ASTN1: variants seen among roughly 807,000 people sequenced by gnomAD.
The protein encoded by ASTN1 is astrotactin-1.
A neutral mutation model predicts 140.7 loss-of-function variants in ASTN1; 41 were observed. The ratio of observed to expected loss-of-function variants is 0.29; its 90% CI spans 0.23 to 0.38. ASTN1 has a LOEUF of 0.38. Ranked by LOEUF, ASTN1 falls within the 10% of genes least tolerant of loss-of-function variation. The pLI, the probability that ASTN1 is intolerant of heterozygous loss-of-function variation, is 1.00. For synonymous variants in ASTN1, 640 were observed against 652.2 expected (o/e 0.98, Z 0.29); for missense variants, 1,479 against 1,678.8 (o/e 0.88, Z 2.08).
intron 1 of ASTN1, among the ~76,000 whole-genome samples, chr1:177,158,140 A>G (rs988912690): frequency 6.6e-6 from 1 of 152,240 alleles, no homozygotes; most frequent in Non-Finnish European, 1.5e-5. Context: ...TGTACTATAT[A>G]ATACCAAATC....
intron 1 of ASTN1, among the ~76,000 whole-genome samples, chr1:177,108,347 C>CAAAAAAAAA (rs71129596): frequency 1.0e-5 from 1 of 98,596 alleles, no homozygotes; most frequent in Admixed American, 1.1e-4. Context: ...GACTCCGTCT[C>CAAAAAAAAA]AAAAAAAAAA....
intron 16 of ASTN1, among the ~76,000 whole-genome samples, chr1:176,931,194 C>T (rs567905554): frequency 7.9e-5 from 12 of 152,280 alleles, no homozygotes; most frequent in South Asian, 2.1e-4. Flanking sequence ...AAGCTGGGCA[C>T]GGTGGCTCAC....
rs184809231 is a variant in ASTN1 at position 176,876,003 on chromosome 1, C to T, written c.3463+534G>A. ...TCTTAATTAACAGGGACTGATCCTG[C>T]AGGGGAGTTTGTACTAAAGACAGCC... On this transcript the variant is annotated intron_variant, in intron 21 of 22. Coordinates refer to ENST00000361833, the MANE Select transcript of ASTN1 (RefSeq NM_004319.3). Among the ~76,000 whole-genome samples the T allele has an allele frequency of 3.3e-5, 5 of 152,260 alleles. No homozygotes were observed. The East Asian group carries it at 9.6e-4, about 29-fold the overall frequency.
intron 8 of ASTN1, among the ~76,000 whole-genome samples, chr1:176,991,436 C>CAAAAAAAAAAAAAAAAAAAAAAAAAA (rs1173420812): frequency 1.7e-3 from 23 of 13,810 alleles, no homozygotes; most frequent in Non-Finnish European, 2.3e-3. Flanking sequence ...AAAAAAAAAC[C>CAAAAAAAAAAAAAAAAAAAAAAAAAA]AAAAAAAAAA....
intron 1 of ASTN1, among the ~76,000 whole-genome samples, chr1:177,137,921 G>T (rs1363302691): frequency 6.6e-6 from 1 of 152,308 alleles, no homozygotes; most frequent in East Asian, 1.9e-4. Context: ...AAAATGATGA[G>T]AATAGGGTTC....
intron 8 of ASTN1, among the ~76,000 whole-genome samples, chr1:177,003,931 T>C (rs1019087226): frequency 6.6e-6 from 1 of 152,120 alleles, no homozygotes; most frequent in African/African-American, 2.4e-5. Context: ...GTATTCCCAC[T>C]TTCCCCACTT....
At chr1:177,126,525 G>T (rs1681658957) in intron 1 of ASTN1, among the ~76,000 whole-genome samples, 1 of 152,190 alleles carries the variant, frequency 6.6e-6, no homozygotes, top group Non-Finnish European at 1.5e-5. Flanking sequence ...GTTAATAAAG[G>T]ACGAATGGAA....
At chr1:176,956,457 T>C (rs1672409759) in intron 11 of ASTN1, among the ~76,000 whole-genome samples, 1 of 152,124 alleles carries the variant, frequency 6.6e-6, no homozygotes, top group East Asian at 1.9e-4. Flanking sequence ...AGAGGAAAGA[T>C]GGCATCAGCG....
At chr1:176,936,436 G>C in intron 14 of ASTN1, 66 bp from the exon 15 acceptor site, 1 of 1,299,498 alleles carries the variant, frequency 7.7e-7, no homozygotes, top group Non-Finnish European at 1.1e-6. Flanking sequence ...CAAAAAGCAT[G>C]ACCCACCTCT....
chr1:176,938,444 G>A (rs1307158364), intron 14 of ASTN1, among the ~76,000 whole-genome samples: 1 of 152,196 alleles, frequency 6.6e-6, no homozygotes, highest in Non-Finnish European at 1.5e-5. Context: ...TTAATTGAAT[G>A]ATTTCCTAGG....
Position 177,164,637 on chromosome 1 carries a change from A to C in ASTN1, c.40T>G (p.Trp14Gly). ...GTGGCCAGCACCGCCGCCGGCCCCC[A>C]GCAGCAGGCGAGCAGGGCGCAGAGC... ...AGLCALLACC[W>G]GPAAVLATAA... is the part of the protein sequence containing the mutation. The change falls in exon 1 of 23, where the codon TGG becomes GGG. Residue 14 changes from tryptophan (W) to glycine (G), a missense_variant. Around this residue, in one of 3 missense-constraint regions of ASTN1, gnomAD observed 729 missense variants for 860.4 expected, o/e 0.85. Transcript: ENST00000361833. 6.2e-7 allele frequency: 1 copy of C among 1,606,284 alleles called. No individual in the cohort carries two copies. Among genetic ancestry groups the C allele is most frequent in the Non-Finnish European group, 8.5e-7 (1 of 1,176,354 alleles).
chr1:177,163,625 G>C (rs1647519865), intron 1 of ASTN1, among the ~76,000 whole-genome samples: 3 of 152,156 alleles, frequency 2.0e-5, no homozygotes, highest in Admixed American at 2.0e-4. Context: ...GCCTAGAAAG[G>C]TCATTCTGTG....
chr1:177,136,983 C>T (rs941555926), intron 1 of ASTN1, among the ~76,000 whole-genome samples: 3 of 152,092 alleles, frequency 2.0e-5, no homozygotes, highest in Non-Finnish European at 4.4e-5. Flanking sequence ...GATGTTTGGC[C>T]GAATCTTTGG....
In ASTN1 at chr1:177,029,604, A is replaced by G. The variant is rs566838666; in HGVS notation, c.1120+30T>C. 468 of 1,603,916 alleles carry G rather than the reference A, an allele frequency of 2.9e-4. 6 individuals carry two copies. The South Asian group carries it at 4.4e-3, about 15-fold the overall frequency. On this transcript the variant is annotated intron_variant, in intron 5 of 22. Coordinates refer to ENST00000361833, the MANE Select transcript of ASTN1 (RefSeq NM_004319.3). ...CGCCTCCCTCACTCCCAGATCCTTT[A>G]CCACCTTCTGCCACCTCTATCATTC...
chr1:176,957,779 C>T lies in ASTN1; in HGVS notation c.1786G>A (p.Asp596Asn). 1.2e-6 allele frequency: 2 copies of T among 1,614,068 alleles called. No homozygotes were observed. The highest frequency in any genetic ancestry group is 1.7e-6 in the Non-Finnish European group (2 of 1,179,988). The change falls in exon 11 of 23, where the codon GAT becomes AAT. Residue 596 changes from aspartate to asparagine, a missense_variant. By Grantham distance (23) the Asp-to-Asn change is conservative. Coordinates refer to ENST00000361833, the MANE Select transcript of ASTN1 (RefSeq NM_004319.3). ...CAGTCGCGCACCGGCCCAAAGGAAT[C>T]TAAGAGAACCTCCAGGCTGTCGAAG... ...SSFDSLEVLL[D>N]SFGPVRDCSK...
chr1:176,916,658 C>T (rs1327152286), intron 16 of ASTN1, among the ~76,000 whole-genome samples: 1 of 152,084 alleles, frequency 6.6e-6, no homozygotes, highest in Non-Finnish European at 1.5e-5. Context: ...ACATTTCTTC[C>T]CTCTTCATCC....
At chr1:176,887,935 G>T in intron 18 of ASTN1, 136 bp downstream of exon 18, 3 of 1,259,194 alleles carry the variant, frequency 2.4e-6, no homozygotes, top group Non-Finnish European at 3.2e-6. Flanking sequence ...TCCCTTGGTA[G>T]ATTGAAAGCT....
intron 8 of ASTN1, among the ~76,000 whole-genome samples, chr1:176,969,053 A>C (rs1278868840): frequency 6.6e-6 from 1 of 152,018 alleles, no homozygotes; most frequent in Non-Finnish European, 1.5e-5. Context: ...ACGTAAAAGC[A>C]CTCATAACGC....
intron 8 of ASTN1, among the ~76,000 whole-genome samples, chr1:177,002,021 T>C (rs1286734935): frequency 6.6e-6 from 1 of 152,172 alleles, no homozygotes; most frequent in Non-Finnish European, 1.5e-5. Context: ...ATAGTGCTAA[T>C]TGAGTTAATG....
Sources: allele counts gnomAD v4.1 joint callset (sites outside exome capture counted in the v4.1 genomes callset), GRCh38; gene constraint gnomAD v4.1.1; regional missense constraint gnomAD v4.1.1; transcripts MANE v1.5; gene names NCBI Gene and HGNC (gene_info 2026-07-23, HGNC 2026-07-21).